GABRR3: variants seen among roughly 807,000 people sequenced by gnomAD.
GABRR3 encodes the protein gamma-aminobutyric acid receptor subunit rho-3.
GABRR3 carries 29 observed loss-of-function variants against 43.2 expected under a neutral mutation model. The observed-to-expected ratio is 0.67, with a 90% CI of 0.50 to 0.92. GABRR3 has a LOEUF of 0.92. GABRR3 is among the 40% of genes least tolerant of loss of function. The probability of loss-of-function intolerance (pLI) is 0.00; values close to 1 mark genes in which losing one functional copy is unlikely to be tolerated. For missense variants in GABRR3, 576 were observed against 572.3 expected, an observed-to-expected ratio of 1.01 and a Z score of -0.07; for synonymous variants, 206 against 195.9, an observed-to-expected ratio of 1.05 and a Z score of -0.43.
chr3:98,025,601 C>T (rs1204448393), exon 3 of GABRR3: 1 of 1,612,166 alleles, frequency 6.2e-7, no homozygotes, highest in Non-Finnish European at 8.5e-7. Flanking sequence ...AATCGTTGTC[C>T]TCTATATGGA....
chr3:98,035,105 G>A, intron 1 of GABRR3, 85 bp downstream of exon 1: 2 of 1,265,062 alleles, frequency 1.6e-6, no homozygotes. Flanking sequence ...AATGCATTAG[G>A]GGAAAAAGAA....
intron 8 of GABRR3, among the ~76,000 whole-genome samples, chr3:97,994,132 A>C (rs2107227471): frequency 6.6e-6 from 1 of 152,360 alleles, no homozygotes; most frequent in Middle Eastern, 3.4e-3. Flanking sequence ...AGGACATTGT[A>C]ATGTCAACAG....
intron 3 of GABRR3, among the ~76,000 whole-genome samples, chr3:98,021,372 G>A (rs1444692718): frequency 6.6e-6 from 1 of 152,130 alleles, no homozygotes; most frequent in East Asian, 1.9e-4. Flanking sequence ...ATAGAAGGTG[G>A]CAATAAAGCA....
At chr3:97,997,463 T>G (rs1172926876) in intron 8 of GABRR3, 1 of 152,186 alleles carries the variant, frequency 6.6e-6, no homozygotes, top group Non-Finnish European at 1.5e-5. Context: ...AAAAAGGTAA[T>G]TTATTTAAGA....
intron 3 of GABRR3, among the ~76,000 whole-genome samples, chr3:98,018,177 T>C (rs1263375731): frequency 1.3e-5 from 2 of 152,140 alleles, no homozygotes; most frequent in African/African-American, 2.4e-5. Context: ...ACGTGGGCAA[T>C]GTTGGGACCT....
downstream of GABRR3, chr3:97,986,509 T>C (rs1339719409): frequency 6.3e-6 from 1 of 159,748 alleles, no homozygotes; most frequent in Non-Finnish European, 1.3e-5. Context: ...GTCAAACTTT[T>C]CTAGGACCTA....
At chr3:98,022,714 T>C (rs1706963293) in intron 3 of GABRR3, among the ~76,000 whole-genome samples, 1 of 152,170 alleles carries the variant, frequency 6.6e-6, no homozygotes, top group South Asian at 2.1e-4. Context: ...ACACAAGCCA[T>C]TTGGACACCA....
chr3:98,017,510 C>T (rs989932850), intron 4 of GABRR3, 145 bp downstream of exon 4: 1 of 656,496 alleles, frequency 1.5e-6, no homozygotes, highest in Non-Finnish European at 2.7e-6. Flanking sequence ...GAAGAGAGCA[C>T]AGCAATCATG....
intron 3 of GABRR3, among the ~76,000 whole-genome samples, chr3:98,020,457 C>CAAAAAAAAAAAAAAAAAAAAAA: frequency 9.9e-6 from 1 of 100,594 alleles, no homozygotes; most frequent in East Asian, 2.9e-4. Context: ...GTCCAATCTT[C>CAAAAAAAAAAAAAAAAAAAAAA]AAAAAAAAAA....
chr3:98,004,111 C>A (rs77157470), intron 7 of GABRR3, among the ~76,000 whole-genome samples: 2 of 151,980 alleles, frequency 1.3e-5, no homozygotes, highest in Non-Finnish European at 2.9e-5. Flanking sequence ...AGTCCCAAGA[C>A]AAGAATAAAG....
downstream of GABRR3, among the ~76,000 whole-genome samples, chr3:97,985,789 A>G (rs1336367695): frequency 6.6e-6 from 1 of 152,114 alleles, no homozygotes; most frequent in Admixed American, 6.5e-5. Flanking sequence ...GAGAAGAATA[A>G]GTGGAAGTTT....
chr3:98,004,048 C>T (rs539588808), intron 7 of GABRR3, among the ~76,000 whole-genome samples: 304 of 152,202 alleles, frequency 2.0e-3, no homozygotes, highest in African/African-American at 6.9e-3. Context: ...GAGAAAAAGG[C>T]TAGAGAGTTG....
At chr3:98,004,402 G>C (rs1306532158) in intron 7 of GABRR3, among the ~76,000 whole-genome samples, 25 of 152,118 alleles carry the variant, frequency 1.6e-4, no homozygotes, top group Non-Finnish European at 1.5e-5. Context: ...CTTGTCCAAG[G>C]TCAGGTTGCT....
intron 8 of GABRR3, among the ~76,000 whole-genome samples, chr3:97,995,208 C>G (rs1706520209): frequency 6.6e-6 from 1 of 152,104 alleles, no homozygotes; most frequent in Non-Finnish European, 1.5e-5. Flanking sequence ...AAATCCCAAC[C>G]TCAGGTGATC....
intron 4 of GABRR3, among the ~76,000 whole-genome samples, chr3:98,015,600 T>C (rs1162108725): frequency 1.3e-5 from 2 of 152,226 alleles, no homozygotes; most frequent in Non-Finnish European, 2.9e-5. Flanking sequence ...ATAAGCTGCA[T>C]CTTACTAGTA....
intron 8 of GABRR3, among the ~76,000 whole-genome samples, chr3:97,993,786 T>C (rs1706502379): frequency 6.6e-6 from 1 of 151,856 alleles, no homozygotes; most frequent in African/African-American, 2.4e-5. Flanking sequence ...TCCCTTCTTC[T>C]CCCTTTCTGC....
intron 3 of GABRR3, among the ~76,000 whole-genome samples, chr3:98,024,844 A>G (rs1706991938): frequency 6.6e-6 from 1 of 152,246 alleles, no homozygotes; most frequent in African/African-American, 2.4e-5. Flanking sequence ...ACCCTCAGTG[A>G]TGCAACTGTG....
intron 7 of GABRR3, among the ~76,000 whole-genome samples, chr3:98,002,806 A>G (rs1248958920): frequency 2.0e-5 from 3 of 152,190 alleles, no homozygotes; most frequent in African/African-American, 7.2e-5. Context: ...TATAAAATAA[A>G]AATCATAGGT....
At chr3:98,006,662 C>T (rs1287910527) in intron 7 of GABRR3, among the ~76,000 whole-genome samples, 1 of 152,190 alleles carries the variant, frequency 6.6e-6, no homozygotes, top group African/African-American at 2.4e-5. Context: ...GCTGTTGGCA[C>T]ACTTTCTGGC....
Sources: allele counts gnomAD v4.1 joint callset (sites outside exome capture counted in the v4.1 genomes callset), GRCh38; gene constraint gnomAD v4.1.1; transcripts MANE v1.5; gene names NCBI Gene and HGNC (gene_info 2026-07-23, HGNC 2026-07-21).